Variants in LUZP1 observed in about 807,000 individuals in gnomAD.
LUZP1 encodes the protein filamin mechanobinding actin cross-linking protein.
In LUZP1, 25 loss-of-function variants were observed where a neutral mutation model predicts 71.3. The ratio of observed to expected loss-of-function variants is 0.35; its 90% CI spans 0.26 to 0.49. LUZP1 has a LOEUF of 0.49. LUZP1 is among the 20% of genes least tolerant of loss of function. The pLI, the probability that LUZP1 is intolerant of heterozygous loss-of-function variation, is 0.99. For missense variants in LUZP1, 1,142 were observed against 1,300.8 expected, an observed-to-expected ratio of 0.88 and a Z score of 1.88; for synonymous variants, 481 against 506.4, an observed-to-expected ratio of 0.95 and a Z score of 0.67.
intron 2 of LUZP1, among the ~76,000 whole-genome samples, chr1:23,138,848 A>T (rs1358694189): frequency 6.7e-6 from 1 of 150,122 alleles, no homozygotes; most frequent in African/African-American, 2.5e-5. Context: ...AAATACAAAA[A>T]TTAGCCAGGG....
chr1:23,170,462 C>CTTTTTTTTTTTTTTTTTTTTTTTT (rs200073505), intron 1 of LUZP1, among the ~76,000 whole-genome samples: 2 of 127,444 alleles, frequency 1.6e-5, no homozygotes, highest in African/African-American at 3.0e-5. Context: ...CTTTTTCTTT[C>CTTTTTTTTTTTTTTTTTTTTTTTT]TTTTTTTTTT....
chr1:23,141,830 C>A (rs1644305463), intron 2 of LUZP1, among the ~76,000 whole-genome samples: 1 of 151,128 alleles, frequency 6.6e-6, no homozygotes, highest in South Asian at 2.1e-4. Context: ...CAGGCATACA[C>A]CACAATGCCC....
chr1:23,173,361 T>TTTTTTTTTTC (rs1644564473), intron 1 of LUZP1, among the ~76,000 whole-genome samples: 1 of 135,820 alleles, frequency 7.4e-6, no homozygotes, highest in African/African-American at 2.8e-5. Context: ...TTTTTTTTTT[T>TTTTTTTTTTC]TTTTTTTTTT....
chr1:23,103,592 T>A (rs1029596956), intron 3 of LUZP1, among the ~76,000 whole-genome samples: 10 of 151,862 alleles, frequency 6.6e-5, no homozygotes, highest in Admixed American at 6.6e-4. Flanking sequence ...CACTCCATCT[T>A]TGGACAGCTC....
At chr1:23,092,525 A>G in exon 4 of LUZP1, 1 of 1,614,180 alleles carries the variant, frequency 6.2e-7, no homozygotes. Flanking sequence ...TTTTGCCTTT[A>G]GAGAGCCCTT....
Position 23,093,080 on chromosome 1 carries a change from A to C in LUZP1, c.1182T>G (p.Ser394=). The C allele has an allele frequency of 6.2e-7, 1 of 1,614,114 alleles. No individual in the cohort carries two copies. Among genetic ancestry groups the C allele is most frequent in the Non-Finnish European group, 8.5e-7 (1 of 1,179,996 alleles). ...GGAGTCGTTCCCGCTTATGCTGAGG[A>C]GACAGTTCCCGCGCTGTGTGCTTGG... Residue 394 remains serine (S), a synonymous_variant, in exon 4 of 5, where the codon TCT becomes TCG. Coordinates refer to ENST00000302291, the Ensembl canonical transcript of LUZP1. The surrounding 1 kb of genome is among the most constrained non-coding windows in gnomAD (Gnocchi z 4.2).
intron 2 of LUZP1, among the ~76,000 whole-genome samples, chr1:23,127,774 C>T (rs1362537539): frequency 6.6e-6 from 1 of 152,138 alleles, no homozygotes; most frequent in Non-Finnish European, 1.5e-5. Context: ...CCGCCCACCT[C>T]GGCCTCCCAA....
chr1:23,125,902 A>G (rs966924344), intron 2 of LUZP1, among the ~76,000 whole-genome samples: 8 of 152,240 alleles, frequency 5.3e-5, no homozygotes, highest in African/African-American at 1.7e-4. Context: ...GGTTACAAAC[A>G]GTAATTTTCA....
chr1:23,117,487 CCCCCA>C (rs1177286527), intron 2 of LUZP1, among the ~76,000 whole-genome samples: 18 of 69,518 alleles, frequency 2.6e-4, no homozygotes, highest in East Asian at 8.7e-4. Context: ...CCCCCCCCCC[CCCCCA>C]CAATCAGGAA....
chr1:23,100,079 A>T (rs753104033), intron 3 of LUZP1, among the ~76,000 whole-genome samples: 1 of 152,198 alleles, frequency 6.6e-6, no homozygotes, highest in Non-Finnish European at 1.5e-5. Context: ...AGTCTGCTAC[A>T]TATTTCCCAT....
chr1:23,121,328 TTTACATCTGTTC>T (rs1644128117), intron 2 of LUZP1, among the ~76,000 whole-genome samples: 1 of 152,222 alleles, frequency 6.6e-6, no homozygotes, highest in Non-Finnish European at 1.5e-5. Context: ...TTCTAGTTAA[TTTACATCTGTTC>T]CTGTACAATG....
chr1:23,134,643 T>C (rs1469789837), intron 2 of LUZP1, among the ~76,000 whole-genome samples: 1 of 152,012 alleles, frequency 6.6e-6, no homozygotes, highest in Admixed American at 6.6e-5. Context: ...TAGCCTGGCA[T>C]GGTGGCGCAC....
chr1:23,097,461 T>C (rs1423463697), intron 3 of LUZP1, among the ~76,000 whole-genome samples: 1 of 152,154 alleles, frequency 6.6e-6, no homozygotes, highest in African/African-American at 2.4e-5. Flanking sequence ...CAAGAGCACG[T>C]GACCAAGACA....
intron 2 of LUZP1, among the ~76,000 whole-genome samples, chr1:23,130,525 CT>C (rs748312616): frequency 2.0e-3 from 232 of 117,202 alleles, no homozygotes; most frequent in African/African-American, 3.3e-3. Context: ...TAACAGTTAT[CT>C]TTTTTTTTTT....
chr1:23,116,802 C>G (rs145735723), intron 2 of LUZP1, among the ~76,000 whole-genome samples: 5 of 152,154 alleles, frequency 3.3e-5, no homozygotes, highest in African/African-American at 9.7e-5. Context: ...GGTTTCGAAT[C>G]TTTTTACCTT....
rs1643870799 is a variant in LUZP1, at chr1:23,092,889, C to A, written c.1373G>T (p.Gly458Val). The A allele has an allele frequency of 1.2e-6, 2 of 1,613,744 alleles. 1 individual carries two copies. The highest frequency in any genetic ancestry group is 4.5e-5 in the East Asian group (2 of 44,876). ...CTTCTTCCCTTCGCTCTGGGAGGAG[C>A]CGGGTACAAACCGGTCTTCAGTTTT... The change falls in exon 4 of 5, where the codon GGC (glycine) becomes GTC (valine). Residue 458 changes from glycine (G) to valine (V), a missense_variant. Physicochemically the swap from Gly to Val is moderately radical, Grantham distance 109 (BLOSUM62 -3). Coordinates refer to ENST00000302291, the Ensembl canonical transcript of LUZP1.
intron 1 of LUZP1, among the ~76,000 whole-genome samples, chr1:23,175,206 GT>G (rs573053942): frequency 4.6e-5 from 7 of 152,100 alleles, no homozygotes; most frequent in Non-Finnish European, 1.0e-4. Flanking sequence ...CAAAGCCCAA[GT>G]CCAGGAGGAA....
intron 2 of LUZP1, among the ~76,000 whole-genome samples, chr1:23,154,356 A>G (rs1360569065): frequency 6.6e-6 from 1 of 151,672 alleles, no homozygotes; most frequent in Non-Finnish European, 1.5e-5. Context: ...ACATAGCCAG[A>G]CCCCCATCTC....
At chr1:23,171,098 AAAT>A (rs1644550356) in intron 1 of LUZP1, among the ~76,000 whole-genome samples, 1 of 141,316 alleles carries the variant, frequency 7.1e-6, no homozygotes, top group African/African-American at 2.7e-5. Flanking sequence ...CAAAAAAAAA[AAAT>A]ATATATATAT....
Sources: gnomAD v4.1 joint callset for allele counts (sites outside exome capture counted in the v4.1 genomes callset) on GRCh38, gnomAD v4.1.1 for gene constraint, Gnocchi (gnomAD v3.1) non-coding constraint, MANE v1.5 for transcripts, NCBI Gene and HGNC (gene_info 2026-07-23, HGNC 2026-07-21) for gene names.